The following ZFAND6 variants were observed in gnomAD, a reference collection of about 807,000 sequenced individuals.
ZFAND6 encodes the protein zinc finger AN1-type containing 6.
A neutral mutation model predicts 24.5 loss-of-function variants in ZFAND6; 12 were observed. The ratio of observed to expected loss-of-function variants is 0.49; its 90% CI spans 0.31 to 0.79. The LOEUF (loss-of-function observed/expected upper bound fraction) is 0.79. Among genes scored for constraint, ZFAND6 ranks in the 30% least tolerant of loss-of-function variants. ZFAND6 has a pLI of 0.04. For missense variants in ZFAND6, 207 were observed against 245.9 expected (o/e 0.84, Z 1.06); for synonymous variants, 92 against 81.5 (o/e 1.13, Z -0.69).
chr15:80,091,341 A>G (rs879391896), intron 1 of ZFAND6, among the ~76,000 whole-genome samples: 63 of 152,208 alleles, frequency 4.1e-4, no homozygotes, highest in African/African-American at 1.4e-3. Flanking sequence ...TGCCTAATGG[A>G]TGGTTTGTAT....
intron 6 of ZFAND6, among the ~76,000 whole-genome samples, chr15:80,133,597 G>T (rs1280180931): frequency 6.6e-6 from 1 of 152,196 alleles, no homozygotes. Flanking sequence ...ACTACATTAA[G>T]AAAGTTCCCA....
chr15:80,095,165 A>T (rs963602825), intron 1 of ZFAND6, among the ~76,000 whole-genome samples: 1 of 152,152 alleles, frequency 6.6e-6, no homozygotes, highest in Non-Finnish European at 1.5e-5. Flanking sequence ...AATCAGGAAC[A>T]TTTCTTCAGC....
At chr15:80,063,430 C>G (rs1292148629) in intron 1 of ZFAND6, among the ~76,000 whole-genome samples, 2 of 151,978 alleles carry the variant, frequency 1.3e-5, no homozygotes, top group East Asian at 3.9e-4. Flanking sequence ...CTTGCTCTGT[C>G]TCCCAGGCTG....
At chr15:80,074,313 G>A (rs999179060) in intron 1 of ZFAND6, among the ~76,000 whole-genome samples, 11 of 151,842 alleles carry the variant, frequency 7.2e-5, no homozygotes, top group African/African-American at 2.7e-4. Context: ...TAGTGTATGT[G>A]TTGCTATTAG....
chr15:80,128,646 A>G (rs776566582), intron 5 of ZFAND6, among the ~76,000 whole-genome samples: 3 of 152,206 alleles, frequency 2.0e-5, no homozygotes, highest in African/African-American at 7.2e-5. Flanking sequence ...GTTGTCAGCT[A>G]TTAGTTTCAA....
At chr15:80,116,587 A>G (rs534922241) in intron 2 of ZFAND6, among the ~76,000 whole-genome samples, 2 of 152,298 alleles carry the variant, frequency 1.3e-5, no homozygotes, top group East Asian at 3.9e-4. Context: ...ATCTGGGCTC[A>G]TATGTATTTG....
chr15:80,120,267 G>A, intron 2 of ZFAND6, 61 bp from the exon 3 acceptor site: 1 of 1,333,124 alleles, frequency 7.5e-7, no homozygotes, highest in African/African-American at 1.5e-5. Context: ...AAGCAGTTTT[G>A]GATAATGTGT....
At chr15:80,117,144 T>C (rs923995272) in intron 2 of ZFAND6, among the ~76,000 whole-genome samples, 1 of 152,258 alleles carries the variant, frequency 6.6e-6, no homozygotes, top group Non-Finnish European at 1.5e-5. Flanking sequence ...TTCACTTGAC[T>C]GTTGTCTTTG....
At chr15:80,089,788 C>T (rs1023472618) in intron 1 of ZFAND6, among the ~76,000 whole-genome samples, 11 of 152,150 alleles carry the variant, frequency 7.2e-5, no homozygotes, top group Non-Finnish European at 1.5e-4. Flanking sequence ...GATGCTTGAA[C>T]TATGTTTTCC....
At chr15:80,090,254 C>T (rs1268409437) in intron 1 of ZFAND6, among the ~76,000 whole-genome samples, 2 of 152,158 alleles carry the variant, frequency 1.3e-5, no homozygotes, top group Non-Finnish European at 2.9e-5. Flanking sequence ...AGAAATGCCT[C>T]TTGAATTGAC....
chr15:80,131,171 T>G lies in ZFAND6; in HGVS notation c.365-9T>G. 4.6e-6 allele frequency: 7 copies of G among 1,531,758 alleles called. No individual in the cohort carries two copies. Among genetic ancestry groups the G allele is most frequent in the Non-Finnish European group, 6.2e-6 (7 of 1,134,298 alleles). 94.9% of individuals were successfully genotyped at this position (1,531,758 alleles called of 1,614,324 possible). ...TAATTAAATTTTGCCACCTTCGTAT[T>G]TTTGTTAGCTTCAGTATCAGACACA... On this transcript the variant is annotated splice_polypyrimidine_tract_variant and intron_variant, in intron 5 of 6. Transcript: ENST00000261749.
At chr15:80,094,146 T>G (rs953430254) in intron 1 of ZFAND6, among the ~76,000 whole-genome samples, 1 of 152,256 alleles carries the variant, frequency 6.6e-6, no homozygotes, top group Non-Finnish European at 1.5e-5. Flanking sequence ...TTACCAGGTT[T>G]TATTTTGCAA....
At position 80,063,651 on chromosome 15, in the gene ZFAND6, C is replaced by A. The variant is rs569846451; in HGVS notation, c.-181+3842C>A. Among the ~76,000 whole-genome samples, 9 of 151,434 alleles carry A rather than the reference C, an allele frequency of 5.9e-5. No homozygotes were observed. In the South Asian group the frequency reaches 1.9e-3, roughly 32 times the overall value. On this transcript the variant is annotated intron_variant, in intron 1 of 6. Coordinates refer to ENST00000261749, the MANE Select transcript of ZFAND6 (RefSeq NM_019006.4). ...CGGCTCACAGCAACCTGGGTTCAAG[C>A]GATTCTCCTGCCTCAGCCTCTCCCC...
chr15:80,113,856 G>A (rs1301428323), intron 2 of ZFAND6, among the ~76,000 whole-genome samples: 1 of 151,940 alleles, frequency 6.6e-6, no homozygotes, highest in South Asian at 2.1e-4. Flanking sequence ...TTTGAGTAAT[G>A]GTACAATTAA....
chr15:80,133,963 A>AG, intron 6 of ZFAND6, among the ~76,000 whole-genome samples: 1 of 150,916 alleles, frequency 6.6e-6, no homozygotes, highest in East Asian at 1.9e-4. Context: ...CTTGCTAGTA[A>AG]GGGACTGCCT....
chr15:80,065,536 G>GTTTTTTTTTTT (rs1341209807), intron 1 of ZFAND6, among the ~76,000 whole-genome samples: 2 of 84,982 alleles, frequency 2.4e-5, no homozygotes, highest in African/African-American at 4.4e-5. Context: ...TTTTGGTTTT[G>GTTTTTTTTTTT]ATTTTTTTTT....
chr15:80,078,936 G>T (rs1596208191), intron 1 of ZFAND6, among the ~76,000 whole-genome samples: 2 of 151,250 alleles, frequency 1.3e-5, no homozygotes, highest in Admixed American at 6.6e-5. Flanking sequence ...TGTGCACAGT[G>T]TGCGGGTTAG....
Position 80,117,191 on chromosome 15 carries a change from C to T in ZFAND6, c.-17-3137C>T, listed in dbSNP as rs948609900. ...TATTAGATGTTTGAAGTGATGAGTG[C>T]ACTTTGTTCATTTACAAAAATATCT... On this transcript the variant is annotated intron_variant, in intron 2 of 6. Coordinates refer to ENST00000261749, the MANE Select transcript of ZFAND6 (RefSeq NM_019006.4). 5.9e-4 allele frequency among the ~76,000 whole-genome samples: 89 copies of T among 151,940 alleles called. 1 individual carries two copies. The highest frequency in any genetic ancestry group is 1.3e-4 in the Non-Finnish European group (9 of 67,990).
intron 1 of ZFAND6, among the ~76,000 whole-genome samples, chr15:80,091,003 C>T (rs1263244538): frequency 6.6e-6 from 1 of 152,172 alleles, no homozygotes. Flanking sequence ...CTGAAATATT[C>T]TATCTTGTTG....
Sources: gnomAD v4.1 joint callset for allele counts (sites outside exome capture counted in the v4.1 genomes callset) on GRCh38, gnomAD v4.1.1 for gene constraint, MANE v1.5 for transcripts, NCBI Gene and HGNC (gene_info 2026-07-23, HGNC 2026-07-21) for gene names.